Variants in ACOXL observed in about 807,000 individuals in gnomAD.
ACOXL encodes the protein acyl-coenzyme A oxidase-like protein.
A neutral mutation model predicts 71.9 loss-of-function variants in ACOXL; 70 were observed. The ratio of observed to expected loss-of-function variants is 0.97; its 90% CI spans 0.80 to 1.19. The LOEUF (loss-of-function observed/expected upper bound fraction) is 1.19, where lower values mean the gene tolerates loss of function less well. Ranked by LOEUF, ACOXL falls within the 50% of genes most tolerant of loss-of-function variation. The pLI is 0.00. For missense variants in ACOXL, 703 were observed against 736.3 expected (o/e 0.95, Z 0.52); for synonymous variants, 253 against 281.6 (o/e 0.90, Z 1.02).
rs553304204 is a variant in ACOXL, at chr2:110,810,014, G to A, written c.753+4619G>A. Among the ~76,000 whole-genome samples, 9 of 152,240 alleles carry A rather than the reference G, an allele frequency of 5.9e-5. No homozygotes were observed. In the South Asian group the frequency reaches 8.3e-4, roughly 14 times the overall value. On this transcript the variant is annotated intron_variant, in intron 9 of 17. Transcript: ENST00000439055. ...CAGGGTGTCTGGCTCCTGGTCATCC[G>A]GCTCTCCACCACTCAGCCTGTCTGG...
rs1189267148 is a variant in ACOXL, at chr2:110,972,664, C to T, written c.1060-14444C>T. 3.3e-5 allele frequency among the ~76,000 whole-genome samples: 5 copies of T among 152,134 alleles called. No individual in the cohort carries two copies. The East Asian group carries it at 7.7e-4, about 24-fold the overall frequency. On this transcript the variant is annotated intron_variant, in intron 12 of 17. Transcript: ENST00000439055. ...ACACACACGTGCACACACACACACA[C>T]ACACACACACACAAAATTCAAGGTC...
intron 13 of ACOXL, among the ~76,000 whole-genome samples, chr2:110,992,674 G>A (rs574849016): frequency 1.3e-5 from 2 of 152,296 alleles, no homozygotes; most frequent in South Asian, 2.1e-4. Context: ...GAGGAGCCCT[G>A]AAAGGAAGTG....
At chr2:110,927,937 G>A (rs1360003686) in intron 11 of ACOXL, among the ~76,000 whole-genome samples, 2 of 152,088 alleles carry the variant, frequency 1.3e-5, no homozygotes, top group Non-Finnish European at 2.9e-5. Flanking sequence ...TCATCTAGTG[G>A]GATTTGCTAC....
At chr2:110,932,220 G>A (rs190419956) in intron 11 of ACOXL, among the ~76,000 whole-genome samples, 55 of 152,294 alleles carry the variant, frequency 3.6e-4, no homozygotes, top group Middle Eastern at 3.4e-3. Flanking sequence ...CTCACCTATA[G>A]TGTCAAAGAA....
intron 12 of ACOXL, among the ~76,000 whole-genome samples, chr2:110,986,322 A>G (rs1389480268): frequency 1.3e-5 from 2 of 152,276 alleles, no homozygotes; most frequent in Non-Finnish European, 2.9e-5. Context: ...TGAATCAGCT[A>G]TCTATTGATT....
At chr2:110,975,335 G>A (rs992604422) in intron 12 of ACOXL, among the ~76,000 whole-genome samples, 9 of 151,974 alleles carry the variant, frequency 5.9e-5, no homozygotes, top group Non-Finnish European at 1.0e-4. Flanking sequence ...TGGGCACACC[G>A]TCCACCTAGT....
In ACOXL at chr2:110,959,495, A is replaced by G. The variant is rs3789110; in HGVS notation, c.1059+25853A>G. On this transcript the variant is annotated intron_variant, in intron 12 of 17. Transcript: ENST00000439055. ...CACTTCCTCCCCCTGAAAACAGCTG[A>G]TGGCCCGTTGTCACTAGAGCCCAGG... is the stretch of plus-strand genomic sequence containing the variant. Among the ~76,000 whole-genome samples, 128 of 152,208 alleles carry G rather than the reference A, an allele frequency of 8.4e-4. No homozygotes were observed. The East Asian group carries it at 0.023, about 27-fold the overall frequency.
intron 17 of ACOXL, among the ~76,000 whole-genome samples, chr2:111,097,581 G>A (rs1412510705): frequency 6.6e-6 from 1 of 152,190 alleles, no homozygotes; most frequent in Non-Finnish European, 1.5e-5. Context: ...CACAAGATGA[G>A]CCTGGAGCAT....
intron 10 of ACOXL, among the ~76,000 whole-genome samples, chr2:110,859,241 C>T (rs1233682609): frequency 1.3e-5 from 2 of 152,144 alleles, no homozygotes; most frequent in Admixed American, 6.5e-5. Context: ...TTTGACCGGA[C>T]GCTGTGTAGT....
At chr2:111,115,275 A>T (rs1027313989) in intron 17 of ACOXL, among the ~76,000 whole-genome samples, 1 of 152,222 alleles carries the variant, frequency 6.6e-6, no homozygotes, top group African/African-American at 2.4e-5. Flanking sequence ...ACAAAACTAA[A>T]CTTTAATAAT....
chr2:110,793,506 G>C (rs1684904471), intron 3 of ACOXL, 144 bp from the exon 4 acceptor site: 2 of 715,838 alleles, frequency 2.8e-6, no homozygotes, highest in Non-Finnish European at 4.9e-6. Flanking sequence ...GAAGAGGAAG[G>C]GCAAAGAAGC....
rs536753088 is a variant in ACOXL at position 110,917,420 on chromosome 2, A to G, written c.905+8515A>G. ...AACATATCTCAAAAGAATAAGGGCT[A>G]TCTATGACAAACCCACAGCCACTAT... is the stretch of plus-strand genomic sequence containing the variant. On this transcript the variant is annotated intron_variant, in intron 11 of 17. Transcript: ENST00000439055. Among the ~76,000 whole-genome samples, 5 of 152,362 alleles carry G rather than the reference A, an allele frequency of 3.3e-5. No individual in the cohort carries two copies. The South Asian group carries it at 1.0e-3, about 32-fold the overall frequency.
At chr2:110,857,239 A>G (rs1045146402) in intron 10 of ACOXL, among the ~76,000 whole-genome samples, 8 of 152,146 alleles carry the variant, frequency 5.3e-5, no homozygotes, top group African/African-American at 1.9e-4. Flanking sequence ...TCTCACATAT[A>G]GATGTAGAAG....
At chr2:111,040,751 C>T (rs908392580) in intron 15 of ACOXL, among the ~76,000 whole-genome samples, 5 of 152,152 alleles carry the variant, frequency 3.3e-5, no homozygotes, top group Admixed American at 2.6e-4. Flanking sequence ...AAGGACATTC[C>T]GAGCAGATGG....
intron 9 of ACOXL, among the ~76,000 whole-genome samples, chr2:110,829,520 G>C (rs953850762): frequency 1.3e-5 from 2 of 152,196 alleles, no homozygotes; most frequent in African/African-American, 4.8e-5. Context: ...GTAGTGCCAG[G>C]TAGCACCAGG....
chr2:110,986,108 TTTAG>T (rs1409250386), intron 12 of ACOXL, among the ~76,000 whole-genome samples: 1 of 152,244 alleles, frequency 6.6e-6, no homozygotes, highest in South Asian at 2.1e-4. Context: ...AATGGAAATG[TTTAG>T]TTAGCTATGA....
At chr2:110,987,380 A>G (rs962073221) in intron 13 of ACOXL, among the ~76,000 whole-genome samples, 163 bp downstream of exon 13, 2 of 152,178 alleles carry the variant, frequency 1.3e-5, no homozygotes, top group Admixed American at 6.5e-5. Context: ...CTCACTACCA[A>G]CTTAAAAACT....
chr2:110,778,797 T>G (rs932061391), intron 2 of ACOXL, among the ~76,000 whole-genome samples: 1 of 152,186 alleles, frequency 6.6e-6, no homozygotes, highest in African/African-American at 2.4e-5. Context: ...TGTGGTATAT[T>G]TATCTCTCAC....
chr2:111,085,421 A>G lies in ACOXL; in HGVS notation c.1441-7444A>G, dbSNP rs535846635. On this transcript the variant is annotated intron_variant, in intron 16 of 17. Transcript: ENST00000439055. ...AATAAAAGTAGAAATCAAGACTAAG[A>G]AAATTCCTCAAAACCATATAATTAC... is the stretch of plus-strand genomic sequence containing the variant. 3.3e-5 allele frequency among the ~76,000 whole-genome samples: 5 copies of G among 152,214 alleles called. No homozygotes were observed. The South Asian group carries it at 1.0e-3, about 31-fold the overall frequency.
Sources: gnomAD v4.1 joint callset for allele counts (sites outside exome capture counted in the v4.1 genomes callset) on GRCh38, gnomAD v4.1.1 for gene constraint, MANE v1.5 for transcripts, NCBI Gene and HGNC (gene_info 2026-07-23, HGNC 2026-07-21) for gene names.